Variants in ALDH5A1 observed in about 807,000 individuals in gnomAD.
The protein encoded by ALDH5A1 is aldehyde dehydrogenase 5 family member A1, also known as succinate-semialdehyde dehydrogenase, mitochondrial.
Under a neutral mutation model 54.7 loss-of-function variants are expected in ALDH5A1, and 33 were observed. That is an observed-to-expected ratio of 0.60 (90% CI 0.46 to 0.81). The LOEUF (loss-of-function observed/expected upper bound fraction) is 0.81. Among genes scored for constraint, ALDH5A1 ranks in the 30% least tolerant of loss-of-function variants. The pLI is 0.00. For synonymous variants in ALDH5A1, 294 were observed against 292.7 expected (o/e 1.00, Z -0.05); for missense variants, 657 against 711.0 (o/e 0.92, Z 0.86).
chr6:24,508,096 GGCTCAC>G (rs1401021576), intron 4 of ALDH5A1, among the ~76,000 whole-genome samples: 2 of 152,000 alleles, frequency 1.3e-5, no homozygotes, highest in African/African-American at 4.8e-5. Context: ...CAGGCGCGGT[GGCTCAC>G]GCCTGTAATC....
intron 4 of ALDH5A1, among the ~76,000 whole-genome samples, chr6:24,513,095 TG>T (rs11313944): frequency 0.84 from 127,664 of 151,782 alleles, 54,464 homozygotes; most frequent in Non-Finnish European, 0.91. Flanking sequence ...TTTTTTTTCT[TG>T]AGACAGAGGC....
chr6:24,528,143 C>T lies in ALDH5A1; in HGVS notation c.1320C>T (p.Phe440=), dbSNP rs771829991. Residue 440 remains phenylalanine (F), a synonymous_variant, in exon 8 of 10, where the codon TTC becomes TTT. Coordinates refer to ENST00000357578, the MANE Select transcript of ALDH5A1 (RefSeq NM_001080.3). ...TGCTGTGCACTCATGAAGAGACTTTCGGGCCTCTGGCACCAGTTATCAAGT... is the reference window on the plus strand; with the variant it reads ...TGCTGTGCACTCATGAAGAGACTTTTGGGCCTCTGGCACCAGTTATCAAGT... The part of the protein sequence containing the change: ...QDMLCTHEET[F]GPLAPVIKFD... 27 of 1,613,834 alleles carry T rather than the reference C, an allele frequency of 1.7e-5. No homozygotes were observed. In the East Asian group the frequency reaches 1.8e-4, roughly 11 times the overall value.
intron 5 of ALDH5A1, among the ~76,000 whole-genome samples, chr6:24,517,960 GT>G (rs1759605401): frequency 6.6e-6 from 1 of 152,248 alleles, no homozygotes; most frequent in South Asian, 2.1e-4. Context: ...CAGCCATGTT[GT>G]AAAGCATATG....
At position 24,515,020 on chromosome 6, in the gene ALDH5A1, A is replaced by G. The variant is rs1191564455; in HGVS notation, c.727-147A>G. 5 of 778,340 alleles carry G rather than the reference A, an allele frequency of 6.4e-6. No homozygotes were observed. In the Admixed American group the frequency reaches 8.2e-5, roughly 13 times the overall value. The allele number at this position is 778,340 out of a possible 1,614,324, so 48.2% of individuals were successfully genotyped here. A position where few individuals can be genotyped will look rare whatever the true frequency, so the allele number is the denominator to read the frequency against. Reference sequence around the variant, plus strand: ...AATAAGAATTATATTTAAACTTCAAATATATTCTTAGTCTGTCCCCAGTGT... The same window carrying G: ...AATAAGAATTATATTTAAACTTCAAGTATATTCTTAGTCTGTCCCCAGTGT... On this transcript the variant is annotated intron_variant, in intron 4 of 9. Coordinates refer to ENST00000357578, the MANE Select transcript of ALDH5A1 (RefSeq NM_001080.3).
At chr6:24,517,317 C>T (rs1282000159) in intron 5 of ALDH5A1, among the ~76,000 whole-genome samples, 1 of 152,114 alleles carries the variant, frequency 6.6e-6, no homozygotes, top group African/African-American at 2.4e-5. Context: ...GAATAATGTA[C>T]TTTTAATGTC....
chr6:24,497,765 A>T (rs1424139046), intron 1 of ALDH5A1, among the ~76,000 whole-genome samples: 3 of 152,172 alleles, frequency 2.0e-5, no homozygotes. Context: ...TGGGTGGAAC[A>T]TGTAGGACCT....
intron 1 of ALDH5A1, among the ~76,000 whole-genome samples, chr6:24,499,668 CTT>C (rs869265243): frequency 1.6e-4 from 11 of 66,712 alleles, no homozygotes; most frequent in Non-Finnish European, 1.0e-4. Context: ...AATTTCTTTT[CTT>C]TTTTTTTTTT....
Position 24,533,585 on chromosome 6 carries a change from A to T in ALDH5A1, c.1481A>T (p.Glu494Val). 3 of 1,614,138 alleles carry T rather than the reference A, an allele frequency of 1.9e-6. No individual in the cohort carries two copies. Among genetic ancestry groups the T allele is most frequent in the Non-Finnish European group, 2.5e-6 (3 of 1,180,010 alleles). The change falls in exon 10 of 10, where the codon GAA becomes GTA. Residue 494 changes from glutamate (E) to valine (V), a missense_variant. Coordinates refer to ENST00000357578, the MANE Select transcript of ALDH5A1 (RefSeq NM_001080.3). ...QLEVGMVGVNEGLISSVECPF... is the reference protein window; with the variant it reads ...QLEVGMVGVNVGLISSVECPF... ...GAAGTGGGCATGGTTGGCGTCAACG[A>T]AGGATTAATTTCCTCTGTGGAGTGC...
chr6:24,516,295 G>A (rs966596124), intron 5 of ALDH5A1, among the ~76,000 whole-genome samples: 1 of 151,668 alleles, frequency 6.6e-6, no homozygotes, highest in South Asian at 2.1e-4. Context: ...AATTAGCTGG[G>A]CGTGGTGGCG....
chr6:24,526,908 A>C (rs1326248811), intron 7 of ALDH5A1, among the ~76,000 whole-genome samples: 5 of 140,734 alleles, frequency 3.6e-5, no homozygotes, highest in Non-Finnish European at 4.6e-5. Context: ...TATCTACTAT[A>C]TATATATTCT....
chr6:24,507,602 A>G (rs995953400), intron 4 of ALDH5A1, among the ~76,000 whole-genome samples: 1 of 151,876 alleles, frequency 6.6e-6, no homozygotes, highest in Non-Finnish European at 1.5e-5. Flanking sequence ...TTTGTTTTAT[A>G]TCTCTATAAA....
At chr6:24,503,769 A>C (rs1384664341) in intron 3 of ALDH5A1, among the ~76,000 whole-genome samples, 1 of 152,224 alleles carries the variant, frequency 6.6e-6, no homozygotes, top group African/African-American at 2.4e-5. Context: ...CATTTTTAAA[A>C]AGACTTAAGA....
In ALDH5A1 at chr6:24,522,813, A is replaced by T; in HGVS notation, c.1061A>T (p.Asp354Val). ...TTCTTGGTGCAAAGGGGCATCCATG[A>T]TGCCTTTGTAAAAGCATTCGCCGAG... is the stretch of plus-strand genomic sequence containing the variant. Reference protein sequence around the residue: ...NQFLVQRGIHDAFVKAFAEAM... With the variant: ...NQFLVQRGIHVAFVKAFAEAM... The change falls in exon 7 of 10, where the codon GAT becomes GTT. Residue 354 changes from aspartate to valine, a missense_variant. Asp to Val is a radical substitution (Grantham distance 152, BLOSUM62 -3). Transcript: ENST00000357578. 6.2e-7 allele frequency: 1 copy of T among 1,614,136 alleles called. No homozygotes were observed. Among genetic ancestry groups the T allele is most frequent in the East Asian group, 2.2e-5 (1 of 44,884 alleles).
intron 1 of ALDH5A1, among the ~76,000 whole-genome samples, chr6:24,499,488 T>G (rs1439468721): frequency 6.6e-6 from 1 of 152,046 alleles, no homozygotes; most frequent in Non-Finnish European, 1.5e-5. Context: ...CATTTCTTCC[T>G]TTTTTCTTTT....
At chr6:24,522,719 C>A in intron 6 of ALDH5A1, 48 bp from the exon 7 acceptor site, 1 of 1,608,998 alleles carries the variant, frequency 6.2e-7, no homozygotes, top group Middle Eastern at 1.7e-4. Context: ...CTGGTCAGGT[C>A]TGCAGCTTCT....
chr6:24,498,325 A>G (rs1764751403), intron 1 of ALDH5A1, among the ~76,000 whole-genome samples: 1 of 152,200 alleles, frequency 6.6e-6, no homozygotes, highest in Non-Finnish European at 1.5e-5. Context: ...TGTGTACTGC[A>G]TACATACTTA....
At chr6:24,517,041 C>T (rs942213244) in intron 5 of ALDH5A1, among the ~76,000 whole-genome samples, 4 of 152,050 alleles carry the variant, frequency 2.6e-5, no homozygotes, top group African/African-American at 9.7e-5. Context: ...GACAGTTGCC[C>T]TGTTGCCCAG....
At chr6:24,521,089 T>G (rs1759675339) in intron 6 of ALDH5A1, among the ~76,000 whole-genome samples, 1 of 152,224 alleles carries the variant, frequency 6.6e-6, no homozygotes, top group Admixed American at 6.5e-5. Flanking sequence ...TGTTGCCTGC[T>G]ATGACCCAGT....
chr6:24,520,641 T>TGTGTGTGC (rs1759664831), intron 6 of ALDH5A1, 97 bp downstream of exon 6: 4 of 1,499,696 alleles, frequency 2.7e-6, no homozygotes, highest in Non-Finnish European at 3.6e-6. Context: ...TGAGTGTGTG[T>TGTGTGTGC]GTGTGTGCGT....
Sources: gnomAD v4.1 joint callset for allele counts (sites outside exome capture counted in the v4.1 genomes callset) on GRCh38, gnomAD v4.1.1 for gene constraint, MANE v1.5 for transcripts, NCBI Gene and HGNC (gene_info 2026-07-23, HGNC 2026-07-21) for gene names.